Variants in NBEA observed in about 807,000 individuals in gnomAD.
NBEA encodes the protein neurobeachin.
NBEA carries 44 observed loss-of-function variants against 343.4 expected under a neutral mutation model. The ratio of observed to expected loss-of-function variants is 0.13; its 90% CI spans 0.10 to 0.16. NBEA has a LOEUF of 0.16. Ranked by LOEUF, NBEA falls within the 10% of genes least tolerant of loss-of-function variation. The probability of loss-of-function intolerance (pLI) is 1.00; values close to 1 mark genes in which losing one functional copy is unlikely to be tolerated. For synonymous variants in NBEA, 1,175 were observed against 1,238.7 expected, an observed-to-expected ratio of 0.95 and a Z score of 1.08; for missense variants, 2,555 against 3,631.3, an observed-to-expected ratio of 0.70 and a Z score of 7.62.
intron 41 of NBEA, among the ~76,000 whole-genome samples, chr13:35,511,247 A>T (rs2077263219): frequency 6.6e-6 from 1 of 152,198 alleles, no homozygotes; most frequent in African/African-American, 2.4e-5. Context: ...CACAGGAAGC[A>T]TTGTTCAAGT....
chr13:34,950,928 T>G (rs188666982), intron 1 of NBEA, among the ~76,000 whole-genome samples: 24 of 152,232 alleles, frequency 1.6e-4, no homozygotes, highest in Admixed American at 1.5e-3. Flanking sequence ...GAGTCTGCAG[T>G]GAGCTGTGAT....
intron 17 of NBEA, among the ~76,000 whole-genome samples, chr13:35,135,341 A>G (rs1193822213): frequency 6.6e-6 from 1 of 152,086 alleles, no homozygotes; most frequent in Non-Finnish European, 1.5e-5. Flanking sequence ...AAGTATAATA[A>G]TATCTACTAG....
intron 34 of NBEA, among the ~76,000 whole-genome samples, chr13:35,284,278 A>G (rs1032508080): frequency 3.9e-5 from 6 of 152,180 alleles, no homozygotes; most frequent in African/African-American, 7.2e-5. Context: ...TAAGACTGCC[A>G]TAAGTTTGTG....
Position 35,057,656 on chromosome 13 carries a change from C to G in NBEA, c.1093-1061C>G, listed in dbSNP as rs1433435861. 7.2e-5 allele frequency among the ~76,000 whole-genome samples: 11 copies of G among 152,176 alleles called. No homozygotes were observed. In the East Asian group the frequency reaches 2.1e-3, roughly 29 times the overall value. On this transcript the variant is annotated intron_variant, in intron 7 of 58. Coordinates refer to ENST00000379939, the MANE Select transcript of NBEA (RefSeq NM_001385012.1). Reference sequence around the variant, plus strand: ...GATGAAATTCTGCTTTTTATCTTCTCTCCAGAGGAGATCTCTCCAGAGTCT... The same window carrying G: ...GATGAAATTCTGCTTTTTATCTTCTGTCCAGAGGAGATCTCTCCAGAGTCT...
chr13:35,124,919 G>T lies in NBEA; in HGVS notation c.2336+1345G>T, dbSNP rs796904861. On this transcript the variant is annotated intron_variant, in intron 17 of 58. Coordinates refer to ENST00000379939, the MANE Select transcript of NBEA (RefSeq NM_001385012.1). The stretch of plus-strand genomic sequence containing the variant: ...TGCCCTTTTTATATTAAGAGATAAA[G>T]ATCACTTCTTTAACTTCAGTTAATT... 2.0e-5 allele frequency among the ~76,000 whole-genome samples: 3 copies of T among 152,106 alleles called. No homozygotes were observed. In the East Asian group the frequency reaches 5.8e-4, roughly 29 times the overall value.
chr13:35,271,140 G>A (rs12867690), intron 34 of NBEA, among the ~76,000 whole-genome samples: 5 of 152,272 alleles, frequency 3.3e-5, no homozygotes, highest in African/African-American at 7.2e-5. Flanking sequence ...CCTCTGGGAC[G>A]AAGCTTCCAG....
chr13:35,330,890 T>G (rs2152848115), intron 36 of NBEA, among the ~76,000 whole-genome samples: 1 of 152,178 alleles, frequency 6.6e-6, no homozygotes, highest in East Asian at 1.9e-4. Context: ...ACATATACCA[T>G]CATTATGCCT....
chr13:35,397,428 T>C (rs2042796840), intron 38 of NBEA, among the ~76,000 whole-genome samples: 3 of 152,224 alleles, frequency 2.0e-5, no homozygotes, highest in Admixed American at 2.0e-4. Flanking sequence ...TAAGCTTTAT[T>C]CTATTCATAA....
At chr13:35,629,249 T>A (rs2083353471) in intron 49 of NBEA, among the ~76,000 whole-genome samples, 1 of 152,228 alleles carries the variant, frequency 6.6e-6, no homozygotes, top group Non-Finnish European at 1.5e-5. Flanking sequence ...ATATCTGCCA[T>A]CTGTCGTATG....
At chr13:35,629,177 G>C (rs1417030229) in intron 49 of NBEA, among the ~76,000 whole-genome samples, 2 of 152,018 alleles carry the variant, frequency 1.3e-5, no homozygotes, top group African/African-American at 2.4e-5. Flanking sequence ...GAGTGAAGAT[G>C]CAACAGCTGC....
intron 38 of NBEA, among the ~76,000 whole-genome samples, chr13:35,358,653 G>A (rs906911242): frequency 1.3e-5 from 2 of 152,042 alleles, no homozygotes; most frequent in Non-Finnish European, 2.9e-5. Flanking sequence ...GGGAGGCAGA[G>A]GTTGCAGTGA....
intron 2 of NBEA, among the ~76,000 whole-genome samples, chr13:35,042,979 T>A (rs2062709464): frequency 6.6e-6 from 1 of 151,794 alleles, no homozygotes; most frequent in Non-Finnish European, 1.5e-5. Context: ...TTATAACAAA[T>A]TGATGAGAAA....
chr13:35,066,805 T>C (rs2063669590), intron 8 of NBEA, among the ~76,000 whole-genome samples: 1 of 152,094 alleles, frequency 6.6e-6, no homozygotes, highest in Non-Finnish European at 1.5e-5. Flanking sequence ...CATCTGTCAT[T>C]TTATTTTTTG....
At chr13:35,326,164 A>C (rs1488660158) in intron 36 of NBEA, among the ~76,000 whole-genome samples, 1 of 152,054 alleles carries the variant, frequency 6.6e-6, no homozygotes, top group Admixed American at 6.6e-5. Flanking sequence ...ATTTCAGAAT[A>C]AGTTTTTCTA....
intron 28 of NBEA, among the ~76,000 whole-genome samples, chr13:35,178,179 C>T (rs2071049079): frequency 6.6e-6 from 1 of 151,624 alleles, no homozygotes. Context: ...TGTCTGGGTG[C>T]AGTGAAAGCT....
chr13:35,591,889 A>G (rs2081556537), intron 46 of NBEA, among the ~76,000 whole-genome samples: 1 of 152,114 alleles, frequency 6.6e-6, no homozygotes. Flanking sequence ...TAGGTTTCTT[A>G]GCATTATTGA....
chr13:35,103,992 A>T (rs2065788133), intron 11 of NBEA, among the ~76,000 whole-genome samples: 1 of 151,828 alleles, frequency 6.6e-6, no homozygotes, highest in Admixed American at 6.6e-5. Flanking sequence ...ATCTTATTCA[A>T]GTCTTCATCC....
chr13:35,330,299 A>G (rs2038848300), intron 36 of NBEA, among the ~76,000 whole-genome samples: 1 of 152,086 alleles, frequency 6.6e-6, no homozygotes, highest in South Asian at 2.1e-4. Context: ...CTGGAACATA[A>G]TAAAGACTCA....
intron 34 of NBEA, among the ~76,000 whole-genome samples, chr13:35,261,589 G>A (rs2033223555): frequency 6.6e-6 from 1 of 151,932 alleles, no homozygotes; most frequent in African/African-American, 2.4e-5. Context: ...TGGAACTCTG[G>A]AAAATGAAAA....
Sources: gnomAD v4.1 joint callset for allele counts (sites outside exome capture counted in the v4.1 genomes callset) on GRCh38, gnomAD v4.1.1 for gene constraint, MANE v1.5 for transcripts, NCBI Gene and HGNC (gene_info 2026-07-23, HGNC 2026-07-21) for gene names.